The following PFKFB4 variants were observed in gnomAD, a reference collection of about 807,000 sequenced individuals.
The protein encoded by PFKFB4 is 6-phosphofructo-2-kinase/fructose-2,6-biphosphatase 4, also known as 6-phosphofructo-2-kinase/fructose-2,6-bisphosphatase 4.
PFKFB4 carries 42 observed loss-of-function variants against 62.8 expected under a neutral mutation model. The ratio of observed to expected loss-of-function variants is 0.67; its 90% CI spans 0.52 to 0.86. The LOEUF (loss-of-function observed/expected upper bound fraction) is 0.86, where lower values mean the gene tolerates loss of function less well. PFKFB4 is among the 40% of genes least tolerant of loss of function. PFKFB4 has a pLI of 0.00. For synonymous variants in PFKFB4, 204 were observed against 240.7 expected (o/e 0.85, Z 1.41); for missense variants, 475 against 627.2 (o/e 0.76, Z 2.59).
chr3:48,523,452 T>C (rs1026693447), intron 12 of PFKFB4, 85 bp downstream of exon 12: 35 of 1,330,744 alleles, frequency 2.6e-5, no homozygotes, highest in African/African-American at 4.3e-5. Context: ...AACACAATTT[T>C]CAAGGAATTC....
At chr3:48,550,712 G>A (rs61685311) in intron 1 of PFKFB4, among the ~76,000 whole-genome samples, 2,715 of 152,242 alleles carry the variant, frequency 0.018, 72 homozygotes, top group African/African-American at 0.062. Context: ...TCCCTGTGGT[G>A]AACTTCTTTT....
Position 48,519,675 on chromosome 3 carries a change from C to T in PFKFB4, c.*72G>A, listed in dbSNP as rs2042028386. Reference sequence around the variant, plus strand: ...TGCATGGCATGGTGACTATCACACACACTGGAGGGCCTGGAATGACCCCCT... The same window carrying T: ...TGCATGGCATGGTGACTATCACACATACTGGAGGGCCTGGAATGACCCCCT... On this transcript the variant is annotated 3_prime_UTR_variant, in exon 14 of 14. Transcript: ENST00000232375. 1 of 1,139,670 alleles carries T rather than the reference C, an allele frequency of 8.8e-7. No individual in the cohort carries two copies. Among genetic ancestry groups the T allele is most frequent in the Non-Finnish European group, 1.3e-6 (1 of 751,912 alleles). 70.6% of individuals were successfully genotyped at this position (1,139,670 alleles called of 1,614,324 possible).
At chr3:48,559,219 C>T (rs2043394712), upstream of PFKFB4, among the ~76,000 whole-genome samples, 2 of 152,354 alleles carry the variant, frequency 1.3e-5, no homozygotes, top group Non-Finnish European at 2.9e-5. Flanking sequence ...CCGTGGCTGA[C>T]CCAGGCACCC....
chr3:48,531,641 A>C (rs1353126071), intron 9 of PFKFB4, among the ~76,000 whole-genome samples: 1 of 151,284 alleles, frequency 6.6e-6, no homozygotes, highest in Non-Finnish European at 1.5e-5. Flanking sequence ...TTTTTTTTTA[A>C]ATTTAGCTGG....
chr3:48,556,614 C>T lies in PFKFB4; in HGVS notation c.97+67G>A, dbSNP rs368158048. ...CCGCCCCTTCTCCATGCGAGACCCCCGCCCAGGCCGCCCTACCCACCCATC... is the reference window on the plus strand; with the variant it reads ...CCGCCCCTTCTCCATGCGAGACCCCTGCCCAGGCCGCCCTACCCACCCATC... On this transcript the variant is annotated intron_variant, in intron 1 of 13. Transcript: ENST00000232375. The surrounding 1 kb of genome is among the most constrained non-coding windows in gnomAD (Gnocchi z 5.7). 2.6e-6 allele frequency: 4 copies of T among 1,511,774 alleles called. No homozygotes were observed. Among genetic ancestry groups the T allele is most frequent in the South Asian group, 1.2e-5 (1 of 81,854 alleles). 93.6% of individuals were successfully genotyped at this position (1,511,774 alleles called of 1,614,324 possible). A position where few individuals can be genotyped will look rare whatever the true frequency, so the allele number is the denominator to read the frequency against.
Position 48,550,567 on chromosome 3 carries a change from G to A in PFKFB4, c.98-333C>T, listed in dbSNP as rs369105958. Among the ~76,000 whole-genome samples the A allele has an allele frequency of 4.6e-5, 7 of 152,282 alleles. No individual in the cohort carries two copies. The East Asian group carries it at 9.6e-4, about 21-fold the overall frequency. The stretch of plus-strand genomic sequence containing the variant: ...CTAGGGGGGTCCCCACCGCATGAAG[G>A]ACAGGACCAAAACCCAGCAGGGTAA... On this transcript the variant is annotated intron_variant, in intron 1 of 13. Transcript: ENST00000232375.
At chr3:48,527,854 A>C (rs2042313097) in intron 9 of PFKFB4, among the ~76,000 whole-genome samples, 1 of 151,734 alleles carries the variant, frequency 6.6e-6, no homozygotes, top group Non-Finnish European at 1.5e-5. Flanking sequence ...TGGCTGGCTA[A>C]TTTTTTGTAT....
chr3:48,542,397 C>G (rs560153427), intron 4 of PFKFB4, among the ~76,000 whole-genome samples: 3 of 151,528 alleles, frequency 2.0e-5, no homozygotes, highest in African/African-American at 4.9e-5. Context: ...ATCTCAGAAT[C>G]AAGCTAGCAT....
chr3:48,548,326 GTAGGC>G (rs1248852653), intron 3 of PFKFB4: 1 of 152,176 alleles, frequency 6.6e-6, no homozygotes, highest in Non-Finnish European at 1.5e-5. Context: ...AGATCAGACA[GTAGGC>G]TATCAGCGTC....
Position 48,538,569 on chromosome 3 carries a change from A to T in PFKFB4, c.561T>A (p.Ala187=), listed in dbSNP as rs768027629. 2.5e-6 allele frequency: 4 copies of T among 1,614,174 alleles called. 1 individual carries two copies. The highest frequency in any genetic ancestry group is 1.7e-5 in the Admixed American group (1 of 60,024). ...CAATGCGCCTCATGAAGTCCTCCGT[A>T]GCCTCATCACTGTCGCGGTTGACAT... The part of the protein sequence containing the change: ...PDYVNRDSDE[A]TEDFMRRIEC... Residue 187 remains alanine, a synonymous_variant, in exon 7 of 14, where the codon GCT becomes GCA. Coordinates refer to ENST00000232375, the MANE Select transcript of PFKFB4 (RefSeq NM_004567.4).
intron 9 of PFKFB4, among the ~76,000 whole-genome samples, chr3:48,527,005 T>A (rs947881054): frequency 5.3e-5 from 8 of 149,698 alleles, no homozygotes; most frequent in Non-Finnish European, 3.0e-5. Flanking sequence ...AAGAAAGCCA[T>A]GTGATGACCG....
intron 3 of PFKFB4, 75 bp downstream of exon 3, chr3:48,549,789 G>A (rs1434156773): frequency 2.2e-6 from 2 of 909,258 alleles, no homozygotes; most frequent in Non-Finnish European, 3.7e-6. Flanking sequence ...TCAGTAAATG[G>A]TCAGTAATGT....
intron 3 of PFKFB4, among the ~76,000 whole-genome samples, chr3:48,545,985 G>A (rs2042950041): frequency 6.6e-6 from 1 of 152,174 alleles, no homozygotes; most frequent in Non-Finnish European, 1.5e-5. Context: ...CGGTGGAGAT[G>A]CTGAGGGAAG....
chr3:48,539,760 G>A lies in PFKFB4; in HGVS notation c.390C>T (p.Ala130=). The A allele has an allele frequency of 6.2e-7, 1 of 1,614,000 alleles. No homozygotes were observed. Among genetic ancestry groups the A allele is most frequent in the South Asian group, 1.1e-5 (1 of 91,078 alleles). Residue 130 remains alanine, a synonymous_variant, in exon 5 of 14, where the codon GCC becomes GCT. Transcript: ENST00000232375. ...EEGGHVAVFD[A]TNTTRERRAT... ...CTCTCCGTTCTCGGGTGGTGTTTGT[G>A]GCATCAAAAACCTAGGACCAAACTA...
intron 6 of PFKFB4, among the ~76,000 whole-genome samples, chr3:48,538,946 A>G: frequency 6.6e-6 from 1 of 152,076 alleles, no homozygotes; most frequent in East Asian, 1.9e-4. Flanking sequence ...GGGGGAGGGG[A>G]AGGAAAGAAT....
intron 9 of PFKFB4, 186 bp from the exon 10 acceptor site, chr3:48,525,855 T>C (rs2042240990): frequency 2.5e-6 from 1 of 401,638 alleles, no homozygotes; most frequent in East Asian, 3.9e-5. Context: ...GTTCCTTGCT[T>C]GTAAAAAGCT....
chr3:48,547,185 T>C (rs1424640952), intron 3 of PFKFB4, among the ~76,000 whole-genome samples: 1 of 152,182 alleles, frequency 6.6e-6, no homozygotes, highest in Non-Finnish European at 1.5e-5. Flanking sequence ...CGCCTTCGTG[T>C]GTGTAATGGC....
upstream of PFKFB4, chr3:48,556,882 C>CTGT (rs1011178555): frequency 6.8e-7 from 1 of 1,463,070 alleles, no homozygotes; most frequent in African/African-American, 1.5e-5. This position sits in a 1 kb window ranked among gnomAD's most constrained non-coding sequence, Gnocchi z 5.7. Context: ...CCTCAAGCCG[C>CTGT]GACAGCCCAT....
intron 4 of PFKFB4, among the ~76,000 whole-genome samples, chr3:48,541,755 CAGGAGCTTG>C (rs59648696): frequency 1.5e-3 from 221 of 152,236 alleles, no homozygotes; most frequent in African/African-American, 5.2e-3. Flanking sequence ...TGCTTGAGGC[CAGGAGCTTG>C]AGACAAGCCT....
Sources: allele counts gnomAD v4.1 joint callset (sites outside exome capture counted in the v4.1 genomes callset), GRCh38; gene constraint gnomAD v4.1.1; non-coding constraint Gnocchi (gnomAD v3.1); transcripts MANE v1.5; gene names NCBI Gene and HGNC (gene_info 2026-07-23, HGNC 2026-07-21).